The following ADGRL2 variants were observed in gnomAD, a reference collection of about 807,000 sequenced individuals.
ADGRL2 encodes the protein calcium-independent alpha-latrotoxin receptor 2.
In ADGRL2, 44 loss-of-function variants were observed where a neutral mutation model predicts 157.4. The observed-to-expected ratio is 0.28, with a 90% CI of 0.22 to 0.36. ADGRL2 has a LOEUF of 0.36. ADGRL2 is among the 10% of genes least tolerant of loss of function. ADGRL2 has a pLI of 1.00. For synonymous variants in ADGRL2, 585 were observed against 624.7 expected (o/e 0.94, Z 0.95); for missense variants, 1,510 against 1,768.9 (o/e 0.85, Z 2.63).
intron 3 of ADGRL2, among the ~76,000 whole-genome samples, chr1:81,681,775 A>C (rs2083122312): frequency 6.6e-6 from 1 of 152,156 alleles, no homozygotes; most frequent in Admixed American, 6.5e-5. Context: ...TTTGCCAAGC[A>C]CTTGTTTACT....
At chr1:81,520,196 T>C (rs1400570865) in intron 2 of ADGRL2, among the ~76,000 whole-genome samples, 13 of 152,210 alleles carry the variant, frequency 8.5e-5, no homozygotes, top group Non-Finnish European at 1.9e-4. Flanking sequence ...TACCCTGGTA[T>C]TGCCTGCTGC....
chr1:81,807,112 A>G (rs1253105839), intron 1 of ADGRL2, among the ~76,000 whole-genome samples: 2 of 152,008 alleles, frequency 1.3e-5, no homozygotes, highest in Admixed American at 6.6e-5. Context: ...AAACTTTTCA[A>G]ATTGATAGAT....
At position 81,343,095 on chromosome 1, in the gene ADGRL2, T is replaced by TC. The variant is rs756719568; in HGVS notation, c.-302+36586_-302+36587insC. Reference sequence around the variant, plus strand: ...TTCTTTTTTTCTTTTTTCTTTTCTTTTTTTTTTTTTTGAGACAGAATCTCA... The same window carrying TC: ...TTCTTTTTTTCTTTTTTCTTTTCTTTCTTTTTTTTTTTGAGACAGAATCTCA... On this transcript the variant is annotated intron_variant, in intron 1 of 24. Transcript: ENST00000370721. Among the ~76,000 whole-genome samples the TC allele has an allele frequency of 1.9e-3, 280 of 145,038 alleles. 8 individuals carry two copies. The highest frequency in any genetic ancestry group is 4.6e-3 in the South Asian group (21 of 4,522).
chr1:81,540,618 A>G (rs2079859644), intron 2 of ADGRL2, among the ~76,000 whole-genome samples: 1 of 152,218 alleles, frequency 6.6e-6, no homozygotes, highest in African/African-American at 2.4e-5. Flanking sequence ...AGAGCATTCC[A>G]GGCAAAGAGG....
At chr1:81,929,983 A>G (rs2095192578) in intron 3 of ADGRL2, among the ~76,000 whole-genome samples, 2 of 152,188 alleles carry the variant, frequency 1.3e-5, no homozygotes, top group South Asian at 4.1e-4. Flanking sequence ...TACATTGCTT[A>G]TGGACTCACA....
At chr1:81,708,663 C>T (rs966730170) in intron 1 of ADGRL2, among the ~76,000 whole-genome samples, 6 of 150,824 alleles carry the variant, frequency 4.0e-5, no homozygotes, top group African/African-American at 7.3e-5. Flanking sequence ...TATACACACA[C>T]ACATATATAT....
At chr1:81,436,584 A>G (rs889411650) in intron 1 of ADGRL2, among the ~76,000 whole-genome samples, 1 of 152,208 alleles carries the variant, frequency 6.6e-6, no homozygotes, top group East Asian at 1.9e-4. Context: ...TAATCAATAG[A>G]AGGTGATAGC....
Position 81,950,437 on chromosome 1 carries a change from C to T in ADGRL2, c.1459C>T (p.Gln487Ter). 6.2e-7 allele frequency: 1 copy of T among 1,613,872 alleles called. No homozygotes were observed. Among genetic ancestry groups the T allele is most frequent in the Non-Finnish European group, 8.5e-7 (1 of 1,179,870 alleles). Residue 487 changes from glutamine (Q) to a stop codon, truncating the protein, a stop_gained, in exon 7 of 24, where the codon CAA becomes TAA. Transcript: ENST00000686636. LOFTEE classifies it high-confidence loss of function. ...DSKGIKWPQT[Q>*]RGMMVERPCP... The stretch of plus-strand genomic sequence containing the variant: ...CAAGGGGATAAAGTGGCCTCAGACA[C>T]AAAGGGGAATGATGGTTGAACGACC...
chr1:81,475,436 A>G (rs1225274094), intron 2 of ADGRL2, among the ~76,000 whole-genome samples: 1 of 152,182 alleles, frequency 6.6e-6, no homozygotes, highest in African/African-American at 2.4e-5. Context: ...TAGGTGACAT[A>G]GGTGAGCTCT....
Position 81,580,763 on chromosome 1 carries a change from G to A in ADGRL2, c.-247-113G>A, listed in dbSNP as rs1300087115. On this transcript the variant is annotated intron_variant, in intron 2 of 24. Coordinates refer to the ADGRL2 transcript ENST00000370721. The stretch of plus-strand genomic sequence containing the variant: ...TGAGTCGGTTTACTTTTAAGTCTGT[G>A]CATTTTTCTTTGTGATTACATGCCA... The A allele has an allele frequency of 3.3e-5, 5 of 152,234 alleles. No individual in the cohort carries two copies. The East Asian group carries it at 9.6e-4, about 29-fold the overall frequency. The allele number at this position is 152,234 out of a possible 1,614,324, so 9.4% of individuals were successfully genotyped here. A position where few individuals can be genotyped will look rare whatever the true frequency, so the allele number is the denominator to read the frequency against.
At chr1:81,428,343 A>G (rs1250946747) in intron 1 of ADGRL2, among the ~76,000 whole-genome samples, 1 of 152,128 alleles carries the variant, frequency 6.6e-6, no homozygotes, top group East Asian at 1.9e-4. Flanking sequence ...ATTAAAAAAA[A>G]AAAGAAAACC....
chr1:81,569,323 G>T (rs2080633714), intron 2 of ADGRL2, among the ~76,000 whole-genome samples: 1 of 152,134 alleles, frequency 6.6e-6, no homozygotes, highest in East Asian at 1.9e-4. Context: ...CACACATCTA[G>T]CAAGTGGTAG....
In ADGRL2 at chr1:81,463,135, GA is replaced by G. The variant is rs1273540176; in HGVS notation, c.-248+18051del. Among the ~76,000 whole-genome samples, 1,207 of 136,746 alleles carry G rather than the reference GA, an allele frequency of 8.8e-3. 20 individuals carry two copies. The highest frequency in any genetic ancestry group is 0.047 in the East Asian group (221 of 4,744). 89.7% of individuals were successfully genotyped at this position (136,746 alleles called of 152,430 possible). A position where few individuals can be genotyped will look rare whatever the true frequency, so the allele number is the denominator to read the frequency against. The stretch of plus-strand genomic sequence containing the variant: ...GTCTCAAAAAAAAAAAAAAAAAAAA[GA>G]AAAAGAAAAGAAAAAACAAGTTGTG... On this transcript the variant is annotated intron_variant, in intron 2 of 24. Transcript: ENST00000370721.
chr1:81,974,029 C>T (rs1416327669), intron 17 of ADGRL2, among the ~76,000 whole-genome samples: 2 of 152,116 alleles, frequency 1.3e-5, no homozygotes, highest in African/African-American at 2.4e-5. Flanking sequence ...GTATTGTATA[C>T]TATCCTTTTA....
chr1:81,864,882 A>T (rs2093491726), intron 2 of ADGRL2, among the ~76,000 whole-genome samples: 1 of 152,132 alleles, frequency 6.6e-6, no homozygotes, highest in South Asian at 2.1e-4. Context: ...GCTACTTGGG[A>T]GGCTGAGGCA....
chr1:81,930,001 A>T (rs2095193058), intron 3 of ADGRL2, among the ~76,000 whole-genome samples: 1 of 152,178 alleles, frequency 6.6e-6, no homozygotes, highest in African/African-American at 2.4e-5. Context: ...ACAATTAAGT[A>T]AGCAGCTGAC....
intron 1 of ADGRL2, among the ~76,000 whole-genome samples, chr1:81,321,803 C>T (rs985088656): frequency 6.8e-6 from 1 of 148,066 alleles, no homozygotes; most frequent in South Asian, 2.1e-4. Context: ...CAAAATGTGA[C>T]ACAAAGATAT....
intron 2 of ADGRL2, chr1:81,501,954 G>A (rs566567113): frequency 1.1e-5 from 18 of 1,613,704 alleles, no homozygotes; most frequent in Non-Finnish European, 1.3e-5. Flanking sequence ...GCCACAGCTG[G>A]GAGACCTTCT....
intron 2 of ADGRL2, among the ~76,000 whole-genome samples, chr1:81,461,942 G>GGT (rs1491058963): frequency 8.7e-6 from 1 of 115,340 alleles, no homozygotes; most frequent in African/African-American, 3.3e-5. Flanking sequence ...GGGGGGGGGG[G>GGT]TGGTGGAGAA....
Sources: allele counts gnomAD v4.1 joint callset (sites outside exome capture counted in the v4.1 genomes callset), GRCh38; gene constraint gnomAD v4.1.1; transcripts MANE v1.5; gene names NCBI Gene and HGNC (gene_info 2026-07-23, HGNC 2026-07-21).